Variants in GATB observed in about 807,000 individuals in gnomAD.
GATB encodes the protein glutamyl-tRNA amidotransferase subunit B, also known as glutamyl-tRNA(Gln) amidotransferase subunit B, mitochondrial.
A neutral mutation model predicts 62.3 loss-of-function variants in GATB; 39 were observed. The ratio of observed to expected loss-of-function variants is 0.63; its 90% CI spans 0.48 to 0.82. The LOEUF (loss-of-function observed/expected upper bound fraction) is 0.82. Among genes scored for constraint, GATB ranks in the 40% least tolerant of loss-of-function variants. GATB has a pLI of 0.00. For synonymous variants in GATB, 276 were observed against 258.9 expected, an observed-to-expected ratio of 1.07 and a Z score of -0.63; for missense variants, 670 against 684.0, an observed-to-expected ratio of 0.98 and a Z score of 0.23.
At chr4:151,759,058 T>C (rs1265931982) in intron 1 of GATB, 136 bp from the exon 2 acceptor site, 2 of 535,782 alleles carry the variant, frequency 3.7e-6, no homozygotes, top group Non-Finnish European at 3.0e-6. Flanking sequence ...ACATTAAAAA[T>C]GTGTCATATT....
chr4:151,732,606 G>A (rs966275443), intron 2 of GATB, among the ~76,000 whole-genome samples: 1 of 151,688 alleles, frequency 6.6e-6, no homozygotes, highest in African/African-American at 2.4e-5. Flanking sequence ...CCTCTGCCTA[G>A]GAAAACCAGA....
chr4:151,677,011 T>C (rs1371335666), intron 11 of GATB, among the ~76,000 whole-genome samples: 2 of 152,216 alleles, frequency 1.3e-5, no homozygotes, highest in African/African-American at 4.8e-5. Flanking sequence ...TCTCAGGACA[T>C]GATTCTTCTT....
chr4:151,711,547 G>T (rs1396782316), intron 5 of GATB, among the ~76,000 whole-genome samples: 1 of 152,188 alleles, frequency 6.6e-6, no homozygotes, highest in Non-Finnish European at 1.5e-5. Flanking sequence ...GCTCTATGCT[G>T]CCTGGGCCTT....
chr4:151,673,005 A>G, intron 11 of GATB, 109 bp from the exon 12 acceptor site: 1 of 1,364,588 alleles, frequency 7.3e-7, no homozygotes, highest in East Asian at 2.3e-5. Context: ...AGCAGATTCA[A>G]TTAAGTCCCC....
chr4:151,719,086 A>G (rs1738974177), intron 3 of GATB, among the ~76,000 whole-genome samples: 1 of 152,246 alleles, frequency 6.6e-6, no homozygotes, highest in Non-Finnish European at 1.5e-5. Flanking sequence ...CTGTTGCATC[A>G]GCCAGAGCCT....
At chr4:151,742,338 T>C (rs1739508267) in intron 2 of GATB, among the ~76,000 whole-genome samples, 1 of 152,194 alleles carries the variant, frequency 6.6e-6, no homozygotes, top group Non-Finnish European at 1.5e-5. Flanking sequence ...TCCGCCTGCC[T>C]TGGCCTCCCA....
chr4:151,690,672 G>A (rs924993478), intron 9 of GATB, among the ~76,000 whole-genome samples: 19 of 152,346 alleles, frequency 1.2e-4, no homozygotes, highest in African/African-American at 4.6e-4. Flanking sequence ...GAGTTGCTGG[G>A]ACGTGATGCA....
At chr4:151,725,480 C>T (rs1023956700) in intron 2 of GATB, among the ~76,000 whole-genome samples, 9 of 152,232 alleles carry the variant, frequency 5.9e-5, no homozygotes, top group Non-Finnish European at 1.3e-4. Flanking sequence ...CAATGCCACT[C>T]TCTAGTCTGT....
At chr4:151,700,055 A>G (rs1008722154) in intron 9 of GATB, among the ~76,000 whole-genome samples, 1 of 152,242 alleles carries the variant, frequency 6.6e-6, no homozygotes, top group Non-Finnish European at 1.5e-5. Flanking sequence ...CAAGTGGTCA[A>G]GATGGTGGGG....
chr4:151,745,819 C>G (rs997115904), intron 2 of GATB, among the ~76,000 whole-genome samples: 10 of 152,118 alleles, frequency 6.6e-5, no homozygotes, highest in Admixed American at 2.0e-4. Context: ...TTCTAAATAC[C>G]TTTGATATGG....
At chr4:151,728,940 A>G (rs1739190620) in intron 2 of GATB, among the ~76,000 whole-genome samples, 1 of 152,214 alleles carries the variant, frequency 6.6e-6, no homozygotes, top group African/African-American at 2.4e-5. Context: ...TATCAGAAAC[A>G]AATTCCTAGA....
rs115825233 is a variant in GATB, at chr4:151,739,385, T to G, written c.327+19387A>C. On this transcript the variant is annotated intron_variant, in intron 2 of 12. Transcript: ENST00000263985. ...CATGCCAGAATCACCAAGCCTACGT[T>G]TGTCATCTCTGGTATGCCAATGGCA... 3.5e-3 allele frequency among the ~76,000 whole-genome samples: 537 copies of G among 152,288 alleles called. 1 individual carries two copies. The highest frequency in any genetic ancestry group is 0.012 in the African/African-American group (506 of 41,542).
At chr4:151,676,230 G>A (rs1738002293) in intron 11 of GATB, 1 of 152,252 alleles carries the variant, frequency 6.6e-6, no homozygotes, top group Non-Finnish European at 1.5e-5. Context: ...TACAGCTTTG[G>A]TGCATGATAT....
chr4:151,736,000 G>A (rs1739366522), intron 2 of GATB, among the ~76,000 whole-genome samples: 3 of 151,490 alleles, frequency 2.0e-5, no homozygotes, highest in Admixed American at 6.6e-5. Context: ...AATACCACTT[G>A]TACCCCAATA....
intron 12 of GATB, among the ~76,000 whole-genome samples, 163 bp from the exon 13 acceptor site, chr4:151,671,465 AGTAGGTTT>A (rs1313251558): frequency 6.6e-6 from 1 of 152,084 alleles, no homozygotes; most frequent in Non-Finnish European, 1.5e-5. Flanking sequence ...CTCACTTCTG[AGTAGGTTT>A]CTAGGCTCCT....
chr4:151,717,992 T>C (rs1221057636), intron 3 of GATB, among the ~76,000 whole-genome samples: 1 of 152,174 alleles, frequency 6.6e-6, no homozygotes, highest in Non-Finnish European at 1.5e-5. Flanking sequence ...TGAATTCAGA[T>C]GGTCAGGCTC....
At chr4:151,671,335 G>T in intron 12 of GATB, 33 bp from the exon 13 acceptor site, 1 of 1,285,496 alleles carries the variant, frequency 7.8e-7, no homozygotes, top group Non-Finnish European at 1.1e-6. Context: ...CTTAAGAGGA[G>T]AAAATGAAGG....
At chr4:151,679,967 G>A in intron 10 of GATB, 76 bp from the exon 11 acceptor site, 1 of 1,315,904 alleles carries the variant, frequency 7.6e-7, no homozygotes. Flanking sequence ...TTCGGAATCA[G>A]AACACTTGCT....
intron 2 of GATB, chr4:151,722,023 T>C (rs1560856651): frequency 3.4e-6 from 2 of 591,220 alleles, no homozygotes; most frequent in Non-Finnish European, 6.0e-6. Context: ...GTCAGAATTA[T>C]AAGCATCAGT....
Sources: gnomAD v4.1 joint callset for allele counts (sites outside exome capture counted in the v4.1 genomes callset) on GRCh38, gnomAD v4.1.1 for gene constraint, MANE v1.5 for transcripts, NCBI Gene and HGNC (gene_info 2026-07-23, HGNC 2026-07-21) for gene names.